The following SH3RF2 variants were observed in gnomAD, a reference collection of about 807,000 sequenced individuals.
SH3RF2 encodes the protein E3 ubiquitin-protein ligase SH3RF2.
SH3RF2 carries 43 observed loss-of-function variants against 59.0 expected under a neutral mutation model. That is an observed-to-expected ratio of 0.73 (90% CI 0.57 to 0.94). The LOEUF (loss-of-function observed/expected upper bound fraction) is 0.94, where lower values mean the gene tolerates loss of function less well. SH3RF2 is among the 40% of genes least tolerant of loss of function. The pLI, the probability that SH3RF2 is intolerant of heterozygous loss-of-function variation, is 0.00. For synonymous variants in SH3RF2, 391 were observed against 391.5 expected (o/e 1.00, Z 0.01); for missense variants, 930 against 940.1 (o/e 0.99, Z 0.14).
exon 10 of SH3RF2, chr5:146,079,482 G>A (rs1763392012): frequency 6.6e-6 from 1 of 152,166 alleles, no homozygotes. Flanking sequence ...GATTATCAAA[G>A]ACAATAACAC....
At chr5:145,939,944 A>G (rs949519943) in intron 2 of SH3RF2, among the ~76,000 whole-genome samples, 4 of 152,182 alleles carry the variant, frequency 2.6e-5, no homozygotes, top group Non-Finnish European at 4.4e-5. Flanking sequence ...TGTGGTTTAC[A>G]TCTTTCTCAA....
At chr5:146,020,765 T>C (rs1761289267) in intron 5 of SH3RF2, among the ~76,000 whole-genome samples, 1 of 152,020 alleles carries the variant, frequency 6.6e-6, no homozygotes, top group Admixed American at 6.6e-5. Flanking sequence ...AAACCCCTCT[T>C]CTGATTACCT....
chr5:145,940,561 C>T (rs1282214899), intron 2 of SH3RF2, among the ~76,000 whole-genome samples: 1 of 152,144 alleles, frequency 6.6e-6, no homozygotes. Context: ...AGTTCCTTGC[C>T]CTCTCTGCCA....
Position 146,023,205 on chromosome 5 carries a change from T to C in SH3RF2, c.1059+9144T>C, listed in dbSNP as rs562248685. Among the ~76,000 whole-genome samples, 17 of 151,992 alleles carry C rather than the reference T, an allele frequency of 1.1e-4. 3 individuals are homozygous for C. The highest frequency in any genetic ancestry group is 4.1e-4 in the African/African-American group (17 of 41,428). On this transcript the variant is annotated intron_variant, in intron 5 of 9. Coordinates refer to ENST00000359120, the MANE Select transcript of SH3RF2 (RefSeq NM_152550.4). ...CTCTCTAGCCCATACATTCTTTTTT[T>C]CTTTTTTCTTTTTTCTTTTTTTAGA...
intron 9 of SH3RF2, among the ~76,000 whole-genome samples, chr5:146,075,804 A>G (rs1462370101): frequency 7.3e-6 from 1 of 136,768 alleles, no homozygotes; most frequent in African/African-American, 3.2e-5. Flanking sequence ...AAAAAAAAAA[A>G]AAAGGATGAA....
At chr5:145,984,520 CT>C (rs1436983718) in intron 2 of SH3RF2, among the ~76,000 whole-genome samples, 3 of 152,220 alleles carry the variant, frequency 2.0e-5, no homozygotes, top group African/African-American at 4.8e-5. Flanking sequence ...CTAAGGAAGA[CT>C]TTTGGCTCTA....
chr5:146,077,536 G>A (rs1352243821), intron 9 of SH3RF2, among the ~76,000 whole-genome samples: 1 of 152,144 alleles, frequency 6.6e-6, no homozygotes, highest in African/African-American at 2.4e-5. Flanking sequence ...GACCATTTGA[G>A]TGTAAGTTGG....
intron 2 of SH3RF2, among the ~76,000 whole-genome samples, chr5:145,996,228 C>T (rs974414606): frequency 3.3e-5 from 5 of 152,186 alleles, no homozygotes; most frequent in Non-Finnish European, 7.3e-5. Flanking sequence ...TAAATTAATG[C>T]CTCTCTATAC....
At chr5:145,987,625 T>C (rs182647906) in intron 2 of SH3RF2, among the ~76,000 whole-genome samples, 11 of 152,298 alleles carry the variant, frequency 7.2e-5, no homozygotes, top group Admixed American at 1.3e-4. Context: ...TTACTCCAGC[T>C]TGCAATTATA....
intron 5 of SH3RF2, among the ~76,000 whole-genome samples, chr5:146,044,769 G>T (rs1762248636): frequency 6.6e-6 from 1 of 151,626 alleles, no homozygotes. Context: ...CTTCTTCATT[G>T]TCTCCTTCTC....
At chr5:146,030,508 G>A (rs1424042969) in intron 5 of SH3RF2, among the ~76,000 whole-genome samples, 2 of 152,168 alleles carry the variant, frequency 1.3e-5, no homozygotes, top group African/African-American at 2.4e-5. Context: ...CCCTGTGCCC[G>A]GGATTAGGCG....
At chr5:146,011,093 C>T (rs1234988772) in intron 4 of SH3RF2, among the ~76,000 whole-genome samples, 1 of 152,176 alleles carries the variant, frequency 6.6e-6, no homozygotes, top group Non-Finnish European at 1.5e-5. Flanking sequence ...CAGCTTTCTA[C>T]ATATGGCTAG....
chr5:145,997,707 T>C (rs1264823008), intron 2 of SH3RF2: 60 of 1,568,026 alleles, frequency 3.8e-5, no homozygotes, highest in Non-Finnish European at 4.9e-5. Flanking sequence ...GAAAAAGGTA[T>C]ATGCTACAAG....
intron 2 of SH3RF2, among the ~76,000 whole-genome samples, chr5:145,978,169 T>C (rs1403341031): frequency 6.6e-6 from 1 of 152,204 alleles, no homozygotes; most frequent in African/African-American, 2.4e-5. Flanking sequence ...ATCATATTCC[T>C]GAAATCAGAT....
rs183516270 is a variant in SH3RF2, at chr5:145,945,622, A to G, written c.378+7316A>G. On this transcript the variant is annotated intron_variant, in intron 2 of 9. Transcript: ENST00000359120. ...CTGTTCTGGGCATGTGGACCTAGAA[A>G]AGGCAGGATAGGGCAGGGATATCTT... 3.8e-4 allele frequency among the ~76,000 whole-genome samples: 58 copies of G among 152,280 alleles called. No homozygotes were observed. In the East Asian group the frequency reaches 0.01, roughly 26 times the overall value.
chr5:145,961,271 C>A (rs991681116), intron 2 of SH3RF2, among the ~76,000 whole-genome samples: 1 of 141,426 alleles, frequency 7.1e-6, no homozygotes, highest in Non-Finnish European at 1.5e-5. Context: ...TCACTTATGA[C>A]AATCTCCCTT....
At chr5:146,064,690 GAAAGAAAGAAAGAAAGAAA>G (rs1763020268), downstream of SH3RF2, among the ~76,000 whole-genome samples, 3 of 4,636 alleles carry the variant, frequency 6.5e-4, 1 homozygote, top group Admixed American at 2.7e-3. Flanking sequence ...AAGAAAGAAA[GAAAGAAAGAAAGAAAGAAA>G]GAAAGAAAGA....
intron 5 of SH3RF2, among the ~76,000 whole-genome samples, chr5:146,025,001 A>G (rs547037745): frequency 1.3e-5 from 2 of 152,208 alleles, no homozygotes; most frequent in Admixed American, 1.3e-4. Flanking sequence ...ACATTATTTC[A>G]TTAGGGGTTG....
In SH3RF2 at chr5:145,941,425, G is replaced by A. The variant is rs140256610; in HGVS notation, c.378+3119G>A. Among the ~76,000 whole-genome samples, 660 of 152,316 alleles carry A rather than the reference G, an allele frequency of 4.3e-3. 6 individuals are homozygous for A. The highest frequency in any genetic ancestry group is 0.015 in the African/African-American group (644 of 41,556). ...AGAAACAGCTGTAGGTTTCTGCAGT[G>A]TGCATTTATTTCAAACCAACAGGCA... is the stretch of plus-strand genomic sequence containing the variant. On this transcript the variant is annotated intron_variant, in intron 2 of 9. Coordinates refer to ENST00000359120, the MANE Select transcript of SH3RF2 (RefSeq NM_152550.4).
Sources: allele counts gnomAD v4.1 joint callset (sites outside exome capture counted in the v4.1 genomes callset), GRCh38; gene constraint gnomAD v4.1.1; transcripts MANE v1.5; gene names NCBI Gene and HGNC (gene_info 2026-07-23, HGNC 2026-07-21).